The following PPP4R2 variants were observed in gnomAD, a reference collection of about 807,000 sequenced individuals.
PPP4R2 encodes serine/threonine-protein phosphatase 4 regulatory subunit 2.
Under a neutral mutation model 47.2 loss-of-function variants are expected in PPP4R2, and 13 were observed. The observed-to-expected ratio is 0.28, with a 90% CI of 0.18 to 0.44. The LOEUF is 0.44. Among genes scored for constraint, PPP4R2 ranks in the 20% least tolerant of loss-of-function variants. The probability of loss-of-function intolerance (pLI) is 1.00; values close to 1 mark genes in which losing one functional copy is unlikely to be tolerated. For synonymous variants in PPP4R2, 151 were observed against 163.3 expected, an observed-to-expected ratio of 0.92 and a Z score of 0.57; for missense variants, 421 against 491.2, an observed-to-expected ratio of 0.86 and a Z score of 1.35.
At chr3:73,022,766 TTC>T (rs1387498474) in intron 2 of PPP4R2, among the ~76,000 whole-genome samples, 4 of 144,234 alleles carry the variant, frequency 2.8e-5, no homozygotes, top group East Asian at 2.3e-4. Flanking sequence ...CTTGCCGCAT[TTC>T]TTTTTTTTTT....
intron 2 of PPP4R2, among the ~76,000 whole-genome samples, chr3:73,012,868 T>A (rs2107229617): frequency 6.6e-6 from 1 of 151,862 alleles, no homozygotes; most frequent in East Asian, 1.9e-4. Context: ...TGTCTTGCTG[T>A]AAGGAGCAAT....
chr3:73,059,764 G>A (rs1359599933), intron 4 of PPP4R2, among the ~76,000 whole-genome samples: 1 of 151,988 alleles, frequency 6.6e-6, no homozygotes, highest in Middle Eastern at 3.4e-3. Flanking sequence ...GTGAAACCCT[G>A]TCTCTGCAAA....
chr3:73,065,280 T>TG (rs1702968034), intron 8 of PPP4R2, 117 bp from the exon 9 acceptor site: 1 of 1,289,332 alleles, frequency 7.8e-7, no homozygotes, highest in South Asian at 1.6e-5. Context: ...TGTATGTAGT[T>TG]GCTGCTGAAT....
At chr3:73,026,891 G>A (rs903481673) in intron 2 of PPP4R2, among the ~76,000 whole-genome samples, 10 of 152,102 alleles carry the variant, frequency 6.6e-5, no homozygotes, top group Non-Finnish European at 1.2e-4. Context: ...CATAAAGCCT[G>A]GGTTGAAATC....
intron 3 of PPP4R2, among the ~76,000 whole-genome samples, chr3:73,050,725 C>A (rs1702593882): frequency 6.6e-6 from 1 of 152,058 alleles, no homozygotes; most frequent in African/African-American, 2.4e-5. Flanking sequence ...TTAAAGCTAT[C>A]TTTTTATTTA....
chr3:73,026,932 A>G (rs548227357), intron 2 of PPP4R2, among the ~76,000 whole-genome samples: 2 of 152,284 alleles, frequency 1.3e-5, no homozygotes, highest in African/African-American at 4.8e-5. Flanking sequence ...CTGTGCAATT[A>G]TGGGCAGTTT....
chr3:73,011,619 G>C (rs2107226608), intron 2 of PPP4R2, among the ~76,000 whole-genome samples: 2 of 152,214 alleles, frequency 1.3e-5, no homozygotes, highest in Non-Finnish European at 2.9e-5. Flanking sequence ...ATTATGAGAA[G>C]GTTGAGTGTG....
chr3:73,030,552 A>G (rs1202918155), intron 2 of PPP4R2, among the ~76,000 whole-genome samples: 1 of 150,200 alleles, frequency 6.7e-6, no homozygotes, highest in Non-Finnish European at 1.5e-5. Context: ...ATGGTTGTGG[A>G]TTTTTCTTTG....
chr3:73,023,050 G>A (rs1701991372), intron 2 of PPP4R2, among the ~76,000 whole-genome samples: 1 of 152,026 alleles, frequency 6.6e-6, no homozygotes, highest in Non-Finnish European at 1.5e-5. Context: ...ATCATTATGA[G>A]GATTTGTGGG....
chr3:73,037,043 A>G (rs1036366714), intron 2 of PPP4R2, among the ~76,000 whole-genome samples: 3 of 152,186 alleles, frequency 2.0e-5, no homozygotes, highest in African/African-American at 4.8e-5. Context: ...CAGTCTCCCT[A>G]AATTTAAAAA....
chr3:73,036,240 C>T (rs1156732545), intron 2 of PPP4R2, among the ~76,000 whole-genome samples: 4 of 151,960 alleles, frequency 2.6e-5, no homozygotes, highest in Admixed American at 1.3e-4. Context: ...TTATCAGAGG[C>T]TGAGAAGGGT....
At chr3:73,055,308 T>C (rs1046233118) in intron 3 of PPP4R2, among the ~76,000 whole-genome samples, 3 of 152,060 alleles carry the variant, frequency 2.0e-5, no homozygotes, top group African/African-American at 7.2e-5. Flanking sequence ...TTAGTCGTCA[T>C]GATAATCTTT....
intron 5 of PPP4R2, chr3:73,062,938 T>C: frequency 6.4e-7 from 1 of 1,564,364 alleles, no homozygotes; most frequent in Middle Eastern, 1.7e-4. Context: ...ATTAATGCTG[T>C]GAGAATGTTT....
intron 2 of PPP4R2, among the ~76,000 whole-genome samples, chr3:72,998,985 C>G (rs907530127): frequency 6.6e-6 from 1 of 152,154 alleles, no homozygotes; most frequent in African/African-American, 2.4e-5. Context: ...TAGCTTTCAG[C>G]AAGAATTGTA....
chr3:73,032,648 C>G (rs1702188504), intron 2 of PPP4R2, among the ~76,000 whole-genome samples: 1 of 152,106 alleles, frequency 6.6e-6, no homozygotes, highest in South Asian at 2.1e-4. Flanking sequence ...ATTTTACAGT[C>G]TAGTTACTTT....
At chr3:73,041,568 AT>A (rs1702380481) in intron 2 of PPP4R2, among the ~76,000 whole-genome samples, 1 of 152,150 alleles carries the variant, frequency 6.6e-6, no homozygotes, top group Non-Finnish European at 1.5e-5. Flanking sequence ...TCTCCATTAG[AT>A]TTTATTTATT....
chr3:73,032,470 G>A (rs1165904517), intron 2 of PPP4R2, among the ~76,000 whole-genome samples: 1 of 151,920 alleles, frequency 6.6e-6, no homozygotes, highest in African/African-American at 2.4e-5. Context: ...TGTATTTTTA[G>A]TAGAGGCGGG....
chr3:73,033,957 T>A (rs1702216759), intron 2 of PPP4R2, among the ~76,000 whole-genome samples: 1 of 152,260 alleles, frequency 6.6e-6, no homozygotes, highest in Non-Finnish European at 1.5e-5. Flanking sequence ...ACGGTAGTTC[T>A]GTGTTTAACT....
At chr3:73,004,923 T>TTGTGTGTG (rs142119782) in intron 2 of PPP4R2, among the ~76,000 whole-genome samples, 2 of 139,948 alleles carry the variant, frequency 1.4e-5, no homozygotes, top group Non-Finnish European at 3.1e-5. Context: ...GTGTGTGTGT[T>TTGTGTGTG]TGTGTGTTTT....
Sources: gnomAD v4.1 joint callset for allele counts (sites outside exome capture counted in the v4.1 genomes callset) on GRCh38, gnomAD v4.1.1 for gene constraint, MANE v1.5 for transcripts, NCBI Gene and HGNC (gene_info 2026-07-23, HGNC 2026-07-21) for gene names.